VAV3: variants seen among roughly 807,000 people sequenced by gnomAD.
VAV3 encodes the protein guanine nucleotide exchange factor VAV3.
Under a neutral mutation model 131.2 loss-of-function variants are expected in VAV3, and 94 were observed. The ratio of observed to expected loss-of-function variants is 0.72; its 90% CI spans 0.61 to 0.85. VAV3 has a LOEUF of 0.85. Ranked by LOEUF, VAV3 falls within the 40% of genes least tolerant of loss-of-function variation. VAV3 has a pLI of 0.00. For synonymous variants in VAV3, 349 were observed against 342.0 expected (o/e 1.02, Z -0.22); for missense variants, 939 against 1,002.7 (o/e 0.94, Z 0.86).
At chr1:107,694,175 T>A (rs1357050667) in intron 17 of VAV3, among the ~76,000 whole-genome samples, 1 of 152,178 alleles carries the variant, frequency 6.6e-6, no homozygotes, top group Non-Finnish European at 1.5e-5. Flanking sequence ...AAAGCCTACA[T>A]AGAAATAATT....
intron 19 of VAV3, among the ~76,000 whole-genome samples, chr1:107,669,909 G>A (rs1263708572): frequency 6.6e-6 from 1 of 152,124 alleles, no homozygotes; most frequent in Non-Finnish European, 1.5e-5. Context: ...CCCAAATAAT[G>A]TTACAGTTGA....
intron 1 of VAV3, among the ~76,000 whole-genome samples, chr1:107,906,835 A>G (rs1672134037): frequency 1.3e-5 from 2 of 152,164 alleles, no homozygotes; most frequent in Non-Finnish European, 2.9e-5. Context: ...GAAGTGTAAA[A>G]TGAAAGAGGT....
chr1:107,918,676 A>G (rs189907187), intron 1 of VAV3, among the ~76,000 whole-genome samples: 11 of 146,630 alleles, frequency 7.5e-5, no homozygotes, highest in Non-Finnish European at 1.5e-4. Context: ...ATATATATAT[A>G]TTTTTAAGGC....
intron 20 of VAV3, among the ~76,000 whole-genome samples, chr1:107,639,516 T>C (rs1014049294): frequency 6.6e-6 from 1 of 152,078 alleles, no homozygotes; most frequent in Non-Finnish European, 1.5e-5. Flanking sequence ...TGACAAAATA[T>C]TTGAACAAGC....
rs546119765 is a variant in VAV3, at chr1:107,931,412, C to T, written c.204+33254G>A. On this transcript the variant is annotated intron_variant, in intron 1 of 26. Coordinates refer to ENST00000370056, the MANE Select transcript of VAV3 (RefSeq NM_006113.5). The stretch of plus-strand genomic sequence containing the variant: ...TATAAGTATGCACAATTATTATATG[C>T]CAATTAAAAATAAAAAATATACATT... Among the ~76,000 whole-genome samples the T allele has an allele frequency of 2.5e-4, 38 of 151,798 alleles. No individual in the cohort carries two copies. The South Asian group carries it at 7.1e-3, about 28-fold the overall frequency.
chr1:107,588,109 GCCATCAGGCT>G (rs1258954331), intron 25 of VAV3, among the ~76,000 whole-genome samples: 1 of 152,144 alleles, frequency 6.6e-6, no homozygotes, highest in African/African-American at 2.4e-5. Flanking sequence ...AACTTTTAAA[GCCATCAGGCT>G]CAGAATAAAA....
chr1:107,952,990 C>T (rs777610200), intron 1 of VAV3, among the ~76,000 whole-genome samples: 13 of 152,174 alleles, frequency 8.5e-5, no homozygotes, highest in Non-Finnish European at 1.8e-4. Flanking sequence ...AATAGAACAA[C>T]TTTCAGTTCA....
At chr1:107,741,762 G>A (rs1035074474) in intron 15 of VAV3, among the ~76,000 whole-genome samples, 4 of 152,162 alleles carry the variant, frequency 2.6e-5, no homozygotes, top group African/African-American at 9.7e-5. Flanking sequence ...TGGAATCTGG[G>A]CTAACCTCTG....
chr1:107,594,240 T>C (rs1570577613), intron 25 of VAV3, among the ~76,000 whole-genome samples: 1 of 152,090 alleles, frequency 6.6e-6, no homozygotes, highest in African/African-American at 2.4e-5. Context: ...CAGACTTGCC[T>C]GAGTTTCCCC....
rs528911474 is a variant in VAV3 at position 107,730,023 on chromosome 1, A to T, written c.1502+18945T>A. ...TCAGGGACCACCATCGACCAATGGAATAGTCTGGCTACTTTGAGGGCAAAA... is the reference window on the plus strand; with the variant it reads ...TCAGGGACCACCATCGACCAATGGATTAGTCTGGCTACTTTGAGGGCAAAA... On this transcript the variant is annotated intron_variant, in intron 15 of 26. Coordinates refer to ENST00000370056, the MANE Select transcript of VAV3 (RefSeq NM_006113.5). Among the ~76,000 whole-genome samples the T allele has an allele frequency of 7.9e-5, 12 of 152,332 alleles. No individual in the cohort carries two copies. In the East Asian group the frequency reaches 2.3e-3, roughly 29 times the overall value.
intron 15 of VAV3, among the ~76,000 whole-genome samples, chr1:107,713,317 G>T (rs932687029): frequency 6.6e-5 from 10 of 151,788 alleles, no homozygotes; most frequent in African/African-American, 2.2e-4. Context: ...AACAAAAGAT[G>T]GCTGGCCTCA....
At chr1:107,856,965 A>G (rs1481043566) in intron 2 of VAV3, among the ~76,000 whole-genome samples, 12 of 152,094 alleles carry the variant, frequency 7.9e-5, no homozygotes, top group Non-Finnish European at 1.5e-5. Flanking sequence ...CTTGAGCCCA[A>G]GAGTTTGAGG....
intron 22 of VAV3, 88 bp from the exon 23 acceptor site, chr1:107,603,251 A>C (rs925101647): frequency 2.1e-6 from 2 of 952,312 alleles, no homozygotes; most frequent in Non-Finnish European, 3.3e-6. Context: ...TATTTAATTT[A>C]GTGGCAGATC....
chr1:107,642,919 TTA>T (rs146036360), intron 19 of VAV3, among the ~76,000 whole-genome samples, 164 bp from the exon 20 acceptor site: 3,134 of 152,274 alleles, frequency 0.021, 111 homozygotes, highest in African/African-American at 0.072. Context: ...AACTTTCTCA[TTA>T]TATGAGATGG....
At chr1:107,711,804 C>T (rs1660799124) in intron 15 of VAV3, among the ~76,000 whole-genome samples, 2 of 152,170 alleles carry the variant, frequency 1.3e-5, no homozygotes, top group Middle Eastern at 3.4e-3. Flanking sequence ...TCTCATGCCT[C>T]AGCCTCCTGA....
intron 19 of VAV3, among the ~76,000 whole-genome samples, chr1:107,679,987 T>G (rs1481334064): frequency 2.0e-5 from 3 of 152,158 alleles, no homozygotes; most frequent in Non-Finnish European, 4.4e-5. Flanking sequence ...AGTTGATACT[T>G]TTATTAGCAC....
At chr1:107,602,747 A>G (rs1651962520) in intron 23 of VAV3, among the ~76,000 whole-genome samples, 1 of 152,212 alleles carries the variant, frequency 6.6e-6, no homozygotes, top group Admixed American at 6.5e-5. Context: ...TTGAGAATAC[A>G]GAAAAATAAG....
At chr1:107,786,042 T>C (rs1330246218) in intron 2 of VAV3, among the ~76,000 whole-genome samples, 1 of 152,176 alleles carries the variant, frequency 6.6e-6, no homozygotes, top group Non-Finnish European at 1.5e-5. Context: ...CTTTGATCTG[T>C]GGGATGCTGT....
intron 19 of VAV3, among the ~76,000 whole-genome samples, chr1:107,676,303 G>T (rs2494052): frequency 0.62 from 94,132 of 152,024 alleles, 29,761 homozygotes; most frequent in Middle Eastern, 0.75. Context: ...ACATGGTCTA[G>T]GCTAGGCCAA....
Sources: allele counts gnomAD v4.1 joint callset (sites outside exome capture counted in the v4.1 genomes callset), GRCh38; gene constraint gnomAD v4.1.1; transcripts MANE v1.5; gene names NCBI Gene and HGNC (gene_info 2026-07-23, HGNC 2026-07-21).